The following LIN52 variants were observed in gnomAD, a reference collection of about 807,000 sequenced individuals.
LIN52 encodes the protein protein lin-52 homolog.
Under a neutral mutation model 18.5 loss-of-function variants are expected in LIN52, and 4 were observed. The ratio of observed to expected loss-of-function variants is 0.22; its 90% CI spans 0.11 to 0.49. The LOEUF (loss-of-function observed/expected upper bound fraction) is 0.49. LIN52 is among the 20% of genes least tolerant of loss of function. The pLI is 0.97. For synonymous variants in LIN52, 34 were observed against 45.5 expected, an observed-to-expected ratio of 0.75 and a Z score of 1.02; for missense variants, 102 against 139.5, an observed-to-expected ratio of 0.73 and a Z score of 1.35.
intron 2 of LIN52, 22 bp downstream of exon 2, chr14:74,091,328 A>G (rs2060770859): frequency 2.7e-6 from 4 of 1,457,122 alleles, no homozygotes; most frequent in African/African-American, 2.8e-5. Context: ...CCTTCTTTAT[A>G]TCAGAGTCAA....
intron 5 of LIN52, among the ~76,000 whole-genome samples, chr14:74,103,173 G>C (rs1595152467): frequency 6.6e-6 from 1 of 152,162 alleles, no homozygotes; most frequent in East Asian, 1.9e-4. Context: ...CCATCTCTTG[G>C]GTTCAAGTGA....
chr14:74,170,202 G>A (rs1458125759), intron 5 of LIN52, among the ~76,000 whole-genome samples: 3 of 152,142 alleles, frequency 2.0e-5, no homozygotes, highest in African/African-American at 7.2e-5. Context: ...CTCCATGAGA[G>A]CCAGGACCTC....
chr14:74,125,006 T>G (rs1447506157), intron 5 of LIN52, among the ~76,000 whole-genome samples: 2 of 152,144 alleles, frequency 1.3e-5, no homozygotes, highest in Admixed American at 1.3e-4. Flanking sequence ...AGAAAAGTTT[T>G]GCAAATTATA....
intron 5 of LIN52, among the ~76,000 whole-genome samples, chr14:74,108,075 T>C (rs974846179): frequency 6.6e-6 from 1 of 152,210 alleles, no homozygotes; most frequent in Non-Finnish European, 1.5e-5. Context: ...GCTTCATGTC[T>C]CTATGGATTT....
At chr14:74,179,692 A>C (rs546971795) in intron 5 of LIN52, among the ~76,000 whole-genome samples, 1 of 150,496 alleles carries the variant, frequency 6.6e-6, no homozygotes, top group African/African-American at 2.4e-5. Context: ...AAAAAAATCT[A>C]ATTCTTCGGC....
At chr14:74,186,607 G>T (rs1202799241) in intron 5 of LIN52, among the ~76,000 whole-genome samples, 1 of 151,718 alleles carries the variant, frequency 6.6e-6, no homozygotes, top group Non-Finnish European at 1.5e-5. Context: ...TACTCTCCAG[G>T]CTGGGCAACA....
At chr14:74,194,374 A>G (rs1360848080) in intron 5 of LIN52, among the ~76,000 whole-genome samples, 1 of 152,240 alleles carries the variant, frequency 6.6e-6, no homozygotes, top group African/African-American at 2.4e-5. Context: ...AGTCTAAAGA[A>G]GAGATTATAT....
At chr14:74,152,886 G>C (rs1001235988) in intron 5 of LIN52, among the ~76,000 whole-genome samples, 1 of 151,014 alleles carries the variant, frequency 6.6e-6, no homozygotes, top group East Asian at 1.9e-4. Flanking sequence ...CTTGAACCTG[G>C]GAGGCAGAGG....
At chr14:74,196,485 G>A (rs564774929) in intron 5 of LIN52, among the ~76,000 whole-genome samples, 2 of 152,162 alleles carry the variant, frequency 1.3e-5, no homozygotes, top group African/African-American at 4.8e-5. Context: ...TGTATTGACC[G>A]TGTCTGGTTT....
intron 5 of LIN52, among the ~76,000 whole-genome samples, chr14:74,106,552 A>G (rs2060898060): frequency 6.6e-6 from 1 of 151,938 alleles, no homozygotes; most frequent in African/African-American, 2.4e-5. Context: ...AATTACAGAC[A>G]TGAACCACCA....
At chr14:74,113,443 GT>G (rs1391372452) in intron 5 of LIN52, among the ~76,000 whole-genome samples, 1 of 152,036 alleles carries the variant, frequency 6.6e-6, no homozygotes, top group Non-Finnish European at 1.5e-5. Flanking sequence ...ACAAAGATGG[GT>G]AGAAATGGAA....
chr14:74,192,287 T>A (rs756081441), intron 5 of LIN52, among the ~76,000 whole-genome samples: 32 of 152,064 alleles, frequency 2.1e-4, no homozygotes, highest in Non-Finnish European at 4.0e-4. Flanking sequence ...TGTTTTTGTT[T>A]TTGTTTTTTG....
intron 5 of LIN52, among the ~76,000 whole-genome samples, chr14:74,103,037 A>G (rs2139883406): frequency 6.6e-6 from 1 of 152,232 alleles, no homozygotes; most frequent in South Asian, 2.1e-4. Context: ...GTAACTTTGT[A>G]TGTGTTTCCA....
chr14:74,179,469 C>T (rs139914020), intron 5 of LIN52, among the ~76,000 whole-genome samples: 4,424 of 151,982 alleles, frequency 0.029, 217 homozygotes, highest in African/African-American at 0.1. Flanking sequence ...AGACCAGCCT[C>T]GCCAACATGG....
At chr14:74,165,513 C>CTT (rs71460962) in intron 5 of LIN52, among the ~76,000 whole-genome samples, 2,305 of 110,218 alleles carry the variant, frequency 0.021, 203 homozygotes, top group African/African-American at 0.081. Context: ...GTTTTCTTTT[C>CTT]TTTTTTTTTT....
At chr14:74,168,395 G>A (rs545435195) in intron 5 of LIN52, among the ~76,000 whole-genome samples, 1 of 152,302 alleles carries the variant, frequency 6.6e-6, no homozygotes, top group Admixed American at 6.5e-5. Flanking sequence ...TTTGCCGGGC[G>A]CGGTGGCTCA....
At chr14:74,172,241 A>G (rs1201476516) in intron 5 of LIN52, among the ~76,000 whole-genome samples, 1 of 152,164 alleles carries the variant, frequency 6.6e-6, no homozygotes. Flanking sequence ...CTCCTTTTAC[A>G]TCAGGAACCA....
intron 5 of LIN52, among the ~76,000 whole-genome samples, chr14:74,147,895 A>ATGC (rs1180207934): frequency 1.3e-5 from 2 of 152,230 alleles, no homozygotes; most frequent in African/African-American, 4.8e-5. Flanking sequence ...TTGCACAGTG[A>ATGC]TGCAAACACA....
chr14:74,170,868 GA>G (rs202244784), intron 5 of LIN52, among the ~76,000 whole-genome samples: 51 of 89,178 alleles, frequency 5.7e-4, no homozygotes, highest in Non-Finnish European at 1.1e-3. Context: ...GTACAGGCCA[GA>G]AAAAAAAAAA....
Sources: gnomAD v4.1 joint callset for allele counts (sites outside exome capture counted in the v4.1 genomes callset) on GRCh38, gnomAD v4.1.1 for gene constraint, MANE v1.5 for transcripts, NCBI Gene and HGNC (gene_info 2026-07-23, HGNC 2026-07-21) for gene names.